Variants in MSRB3 observed in about 807,000 individuals in gnomAD.
MSRB3 encodes methionine-R-sulfoxide reductase B3.
In MSRB3, 13 loss-of-function variants were observed where a neutral mutation model predicts 21.0. That is an observed-to-expected ratio of 0.62 (90% CI 0.40 to 0.98). The LOEUF is 0.98. Ranked by LOEUF, MSRB3 falls within the 50% of genes least tolerant of loss-of-function variation. The pLI is 0.00. For missense variants in MSRB3, 199 were observed against 230.3 expected, an observed-to-expected ratio of 0.86 and a Z score of 0.88; for synonymous variants, 87 against 88.6, an observed-to-expected ratio of 0.98 and a Z score of 0.10.
intron 1 of MSRB3, among the ~76,000 whole-genome samples, chr12:65,307,834 A>T (rs1046209714): frequency 7.2e-5 from 11 of 152,186 alleles, no homozygotes; most frequent in Non-Finnish European, 1.6e-4. Context: ...ATGAAAATTC[A>T]TATTTGCCAT....
chr12:65,463,203 G>T lies in MSRB3; in HGVS notation c.439G>T (p.Gly147Trp). The change falls in exon 7 of 7, where the codon GGG (glycine) becomes TGG (tryptophan). Residue 147 changes from glycine (G) to tryptophan (W), a missense_variant. Coordinates refer to ENST00000308259, the MANE Select transcript of MSRB3 (RefSeq NM_001031679.3). Reference protein sequence around the residue: ...HIFDDGPRPTGKRYCINSAAL... With the variant: ...HIFDDGPRPTWKRYCINSAAL... ...TTTTGATGATGGGCCTCGTCCAACT[G>T]GGAAAAGATACTGCATAAATTCGGC... The T allele has an allele frequency of 6.2e-7, 1 of 1,614,172 alleles. No individual in the cohort carries two copies. The highest frequency in any genetic ancestry group is 1.7e-5 in the Admixed American group (1 of 60,026).
chr12:65,339,102 G>A (rs1238309313), intron 4 of MSRB3, among the ~76,000 whole-genome samples: 4 of 152,066 alleles, frequency 2.6e-5, no homozygotes, highest in African/African-American at 4.8e-5. Flanking sequence ...AAAATAAAAA[G>A]ATTCCAGACA....
chr12:65,376,799 T>C (rs1878650120), intron 5 of MSRB3, among the ~76,000 whole-genome samples: 1 of 152,140 alleles, frequency 6.6e-6, no homozygotes, highest in South Asian at 2.1e-4. Context: ...CTGCATGTTC[T>C]GCACATTTAT....
intron 4 of MSRB3, among the ~76,000 whole-genome samples, chr12:65,335,812 C>T (rs1055214622): frequency 2.6e-5 from 4 of 152,196 alleles, no homozygotes; most frequent in African/African-American, 9.7e-5. Flanking sequence ...GGAACTCTAG[C>T]TGGAAATTGC....
rs776973896 is a variant in MSRB3 at position 65,326,930 on chromosome 12, G to A, written c.181G>A (p.Glu61Lys). 8 of 1,611,106 alleles carry A rather than the reference G, an allele frequency of 5.0e-6. No individual in the cohort carries two copies. Among genetic ancestry groups the A allele is most frequent in the East Asian group, 2.2e-5 (1 of 44,880 alleles). The change falls in exon 3 of 7, where the codon GAA (glutamate) becomes AAA (lysine). Residue 61 changes from glutamate (E) to lysine (K), a missense_variant. By Grantham distance (56) the Glu-to-Lys change is moderately conservative. Transcript: ENST00000308259. ...QYHVTQEKGT[E>K]SAFEGEYTHH... Reference sequence around the variant, plus strand: ...CCATGTCACTCAGGAGAAAGGGACCGAAAGGTAAGGTGAGCTTTAATAAAA... The same window carrying A: ...CCATGTCACTCAGGAGAAAGGGACCAAAAGGTAAGGTGAGCTTTAATAAAA...
At chr12:65,448,436 A>G (rs1882713508) in intron 5 of MSRB3, among the ~76,000 whole-genome samples, 1 of 152,226 alleles carries the variant, frequency 6.6e-6, no homozygotes, top group Non-Finnish European at 1.5e-5. Context: ...CCTGAGTATT[A>G]AAAGATTGGA....
At chr12:65,370,124 C>G (rs769208025) in intron 5 of MSRB3, among the ~76,000 whole-genome samples, 12 of 152,070 alleles carry the variant, frequency 7.9e-5, no homozygotes, top group Non-Finnish European at 1.8e-4. Flanking sequence ...TCTTCTGCAG[C>G]CTCTGAATCA....
At position 65,463,847 on chromosome 12, in the gene MSRB3, C is replaced by A. The variant is rs1883445137; in HGVS notation, c.*525C>A. ...GCTAAGGTCATTTTTTTTTTTCTCACTGAAAGGGTGTGAAGGTCTAAAGTC... is the reference window on the plus strand; with the variant it reads ...GCTAAGGTCATTTTTTTTTTTCTCAATGAAAGGGTGTGAAGGTCTAAAGTC... On this transcript the variant is annotated 3_prime_UTR_variant, in exon 7 of 7. Coordinates refer to ENST00000308259, the MANE Select transcript of MSRB3 (RefSeq NM_001031679.3). 6.4e-6 allele frequency: 1 copy of A among 157,116 alleles called. No individual in the cohort carries two copies. The highest frequency in any genetic ancestry group is 1.4e-5 in the Non-Finnish European group (1 of 71,478). The allele number at this position is 157,116 out of a possible 1,614,324, so 9.7% of individuals were successfully genotyped here.
intron 4 of MSRB3, among the ~76,000 whole-genome samples, chr12:65,329,062 A>G (rs573565369): frequency 1.5e-4 from 23 of 152,212 alleles, no homozygotes; most frequent in Non-Finnish European, 3.1e-4. Flanking sequence ...TAACATGGGA[A>G]CATACCTTTA....
rs1186572233 is a variant in MSRB3 at position 65,466,279 on chromosome 12, T to C, written c.*2957T>C. On this transcript the variant is annotated 3_prime_UTR_variant, in exon 7 of 7. Coordinates refer to ENST00000308259, the MANE Select transcript of MSRB3 (RefSeq NM_001031679.3). ...CCAGATTGCTTTTGGGTTTAAGTGG[T>C]ATCAAATTTCAGTATATTTCTGTCT... 1.3e-5 allele frequency: 2 copies of C among 152,146 alleles called. No homozygotes were observed. Among genetic ancestry groups the C allele is most frequent in the African/African-American group, 2.4e-5 (1 of 41,410 alleles). The allele number at this position is 152,146 out of a possible 1,614,324, so 9.4% of individuals were successfully genotyped here. A position where few individuals can be genotyped will look rare whatever the true frequency, so the allele number is the denominator to read the frequency against.
chr12:65,336,224 A>T (rs1195871984), intron 4 of MSRB3, among the ~76,000 whole-genome samples: 1 of 152,252 alleles, frequency 6.6e-6, no homozygotes, highest in Non-Finnish European at 1.5e-5. Context: ...ACACAGCCAA[A>T]GCATGACTTT....
chr12:65,293,420 A>G (rs1872769383), intron 1 of MSRB3, among the ~76,000 whole-genome samples: 1 of 152,144 alleles, frequency 6.6e-6, no homozygotes, highest in Non-Finnish European at 1.5e-5. Flanking sequence ...TGTCAGCCTT[A>G]TCATTTTCTC....
intron 3 of MSRB3, 100 bp downstream of exon 3, chr12:65,327,034 C>A: frequency 1.2e-6 from 1 of 841,416 alleles, no homozygotes; most frequent in South Asian, 1.5e-5. Flanking sequence ...GCATTCTATA[C>A]TTACTTGCTA....
intron 2 of MSRB3, among the ~76,000 whole-genome samples, chr12:65,323,080 C>T (rs1874789973): frequency 6.6e-6 from 1 of 152,096 alleles, no homozygotes; most frequent in Non-Finnish European, 1.5e-5. Flanking sequence ...CAATTTTAAC[C>T]TCAGAATTCA....
intron 1 of MSRB3, among the ~76,000 whole-genome samples, chr12:65,298,425 T>A (rs1873113602): frequency 6.6e-6 from 1 of 152,206 alleles, no homozygotes; most frequent in Non-Finnish European, 1.5e-5. Context: ...GCTCAGATTC[T>A]TTGAAAAACA....
rs1883445981 is a variant in MSRB3, at chr12:65,463,859, G to A, written c.*537G>A. ...TTTTTTTTTCTCACTGAAAGGGTGT[G>A]AAGGTCTAAAGTCTTTCCTTATGTT... On this transcript the variant is annotated 3_prime_UTR_variant, in exon 7 of 7. Transcript: ENST00000308259. The A allele has an allele frequency of 6.3e-6, 1 of 157,558 alleles. No homozygotes were observed. The highest frequency in any genetic ancestry group is 6.1e-5 in the Admixed American group (1 of 16,360). 9.8% of individuals were successfully genotyped at this position (157,558 alleles called of 1,614,324 possible).
chr12:65,365,546 A>G (rs1323640578), intron 4 of MSRB3, among the ~76,000 whole-genome samples: 2 of 152,194 alleles, frequency 1.3e-5, no homozygotes, highest in Non-Finnish European at 2.9e-5. Context: ...TAATGTCGCC[A>G]GGTCAGTGGC....
chr12:65,392,634 C>G (rs974623697), intron 5 of MSRB3, among the ~76,000 whole-genome samples: 1 of 152,150 alleles, frequency 6.6e-6, no homozygotes, highest in African/African-American at 2.4e-5. Context: ...GAAATGCGAT[C>G]CTCTCAAGTC....
chr12:65,348,278 A>G (rs1393503928), intron 4 of MSRB3, among the ~76,000 whole-genome samples: 1 of 152,152 alleles, frequency 6.6e-6, no homozygotes, highest in Non-Finnish European at 1.5e-5. Flanking sequence ...TTATTGGTCT[A>G]TTTGGAGATT....
Sources: allele counts gnomAD v4.1 joint callset (sites outside exome capture counted in the v4.1 genomes callset), GRCh38; gene constraint gnomAD v4.1.1; transcripts MANE v1.5; gene names NCBI Gene and HGNC (gene_info 2026-07-23, HGNC 2026-07-21).